Variants in MDM4 observed in about 807,000 individuals in gnomAD.
The protein encoded by MDM4 is MDM4 regulator of p53, also known as protein Mdm4.
MDM4 carries 2 observed loss-of-function variants against 60.2 expected under a neutral mutation model. The ratio of observed to expected loss-of-function variants is 0.03; its 90% CI spans 0.01 to 0.10. The LOEUF (loss-of-function observed/expected upper bound fraction) is 0.10, where lower values mean the gene tolerates loss of function less well. Ranked by LOEUF, MDM4 falls within the 10% of genes least tolerant of loss-of-function variation. The pLI is 1.00. For missense variants in MDM4, 447 were observed against 577.5 expected, an observed-to-expected ratio of 0.77 and a Z score of 2.32; for synonymous variants, 202 against 198.1, an observed-to-expected ratio of 1.02 and a Z score of -0.17.
rs1445568481 is a variant in MDM4 at position 204,554,040 on chromosome 1, A to G, written c.*4358A>G. 4.4e-6 allele frequency: 1 copy of G among 226,890 alleles called. No individual in the cohort carries two copies. The highest frequency in any genetic ancestry group is 8.8e-6 in the Non-Finnish European group (1 of 114,244). 14.1% of individuals were successfully genotyped at this position (226,890 alleles called of 1,614,324 possible). On this transcript the variant is annotated 3_prime_UTR_variant, in exon 11 of 11. Transcript: ENST00000367182. ...ATGTATAGTTAGATGTATGTAGTGC[A>G]TTGTGTGGTATTATTTGGTTTGTAA...
intron 1 of MDM4, among the ~76,000 whole-genome samples, chr1:204,524,799 C>T (rs887908635): frequency 6.6e-6 from 1 of 152,164 alleles, no homozygotes; most frequent in Admixed American, 6.5e-5. Flanking sequence ...AATAAACAAT[C>T]TATCTTCCTT....
chr1:204,537,520 T>C, intron 6 of MDM4, 23 bp downstream of exon 6: 1 of 1,574,986 alleles, frequency 6.3e-7, no homozygotes, highest in Non-Finnish European at 8.7e-7. Flanking sequence ...CACGGTGACT[T>C]CTTTTGTTGT....
intron 1 of MDM4, among the ~76,000 whole-genome samples, chr1:204,521,812 AC>A (rs377048025): frequency 6.6e-6 from 1 of 152,308 alleles, no homozygotes; most frequent in African/African-American, 2.4e-5. Flanking sequence ...GTATAAATAG[AC>A]AGTTACAAAT....
At chr1:204,546,310 C>A (rs939222809) in intron 9 of MDM4, among the ~76,000 whole-genome samples, 1 of 152,130 alleles carries the variant, frequency 6.6e-6, no homozygotes, top group East Asian at 1.9e-4. Flanking sequence ...TCAAGCGATT[C>A]TCTTGTCTCA....
chr1:204,525,203 T>C, intron 1 of MDM4: 2 of 278,240 alleles, frequency 7.2e-6, no homozygotes, highest in Non-Finnish European at 1.1e-5. Context: ...TAAAACAGTT[T>C]ACTGATTAAC....
intron 1 of MDM4, among the ~76,000 whole-genome samples, chr1:204,523,443 G>T (rs1239532946): frequency 7.5e-5 from 11 of 146,792 alleles, no homozygotes; most frequent in Non-Finnish European, 1.5e-4. Flanking sequence ...CTCCAGCCTG[G>T]GCGACAGAGC....
intron 7 of MDM4, among the ~76,000 whole-genome samples, chr1:204,541,193 T>G (rs1662035559): frequency 6.6e-6 from 1 of 152,068 alleles, no homozygotes; most frequent in African/African-American, 2.4e-5. Flanking sequence ...GCATGGTAGC[T>G]CGTGCCTGTA....
At chr1:204,517,728 C>T (rs551209594) in intron 1 of MDM4, among the ~76,000 whole-genome samples, 1 of 152,078 alleles carries the variant, frequency 6.6e-6, no homozygotes, top group Non-Finnish European at 1.5e-5. Context: ...AAGCAACACC[C>T]GGAGAAAATG....
chr1:204,530,931 T>C, intron 4 of MDM4, 114 bp downstream of exon 4: 2 of 1,367,308 alleles, frequency 1.5e-6, no homozygotes, highest in Admixed American at 1.9e-5. Context: ...AGCCTACATA[T>C]GTTAGGTAGC....
intron 7 of MDM4, among the ~76,000 whole-genome samples, chr1:204,540,963 A>G (rs569184311): frequency 9.7e-4 from 148 of 152,312 alleles, no homozygotes; most frequent in Non-Finnish European, 1.9e-3. Context: ...TTAAAAGCTT[A>G]AATTTGAATA....
intron 7 of MDM4, among the ~76,000 whole-genome samples, chr1:204,538,945 C>T (rs942532977): frequency 6.7e-6 from 1 of 149,500 alleles, no homozygotes. Flanking sequence ...TCTCAGCTCA[C>T]CGCAGCCTCC....
At chr1:204,525,642 T>A (rs762435408) in intron 2 of MDM4, 46 bp downstream of exon 2, 67 of 1,312,168 alleles carry the variant, frequency 5.1e-5, no homozygotes, top group South Asian at 4.4e-4. Flanking sequence ...TTTTTTTTTT[T>A]AATTTTTAAA....
chr1:204,550,310 A>G lies in MDM4; in HGVS notation c.*628A>G. 1 of 227,116 alleles carries G rather than the reference A, an allele frequency of 4.4e-6. No individual in the cohort carries two copies. The highest frequency in any genetic ancestry group is 8.8e-6 in the Non-Finnish European group (1 of 114,210). The allele number at this position is 227,116 out of a possible 1,614,324, so 14.1% of individuals were successfully genotyped here. On this transcript the variant is annotated 3_prime_UTR_variant, in exon 11 of 11. Coordinates refer to ENST00000367182, the MANE Select transcript of MDM4 (RefSeq NM_002393.5). Reference sequence around the variant, plus strand: ...CACTTCAGCCTCCTGAGTAGCTGAGACTATAGACTAGCATAACCACACTGG... The same window carrying G: ...CACTTCAGCCTCCTGAGTAGCTGAGGCTATAGACTAGCATAACCACACTGG...
chr1:204,524,237 A>C (rs1183880753), intron 1 of MDM4, among the ~76,000 whole-genome samples: 1 of 152,204 alleles, frequency 6.6e-6, no homozygotes, highest in African/African-American at 2.4e-5. Flanking sequence ...CATTGTACTT[A>C]ACAATTTACA....
In MDM4 at chr1:204,542,855, G is replaced by A. The variant is rs1017001295; in HGVS notation, c.583G>A (p.Val195Ile). The change falls in exon 8 of 11, where the codon GTA becomes ATA. Residue 195 changes from valine to isoleucine, a missense_variant. Coordinates refer to ENST00000367182, the MANE Select transcript of MDM4 (RefSeq NM_002393.5). The stretch of plus-strand genomic sequence containing the variant: ...GGACCTTGGATTTGAGGAGTGGGAT[G>A]TAGCTGGCCTGCCTTGGTGGTTTTT... ...RLDLGFEEWD[V>I]AGLPWWFLGN... The A allele has an allele frequency of 3.7e-6, 6 of 1,613,886 alleles. No individual in the cohort carries two copies. The highest frequency in any genetic ancestry group is 5.1e-6 in the Non-Finnish European group (6 of 1,179,870).
At chr1:204,549,045 CCTCCTTTCCT>C in intron 10 of MDM4, 58 bp from the exon 11 acceptor site, 1 of 971,482 alleles carries the variant, frequency 1.0e-6, no homozygotes, top group Non-Finnish European at 1.6e-6. Context: ...ATGAATTTGA[CCTCCTTTCCT>C]TTTTCTCAGC....
chr1:204,532,358 C>T (rs1174803228), intron 5 of MDM4, 112 bp downstream of exon 5: 7 of 739,074 alleles, frequency 9.5e-6, no homozygotes, highest in East Asian at 2.6e-5. Context: ...TTTGGCATGA[C>T]TGGGAGAAAT....
At chr1:204,548,388 A>T (rs1405228200) in intron 10 of MDM4, among the ~76,000 whole-genome samples, 1 of 152,212 alleles carries the variant, frequency 6.6e-6, no homozygotes, top group Admixed American at 6.5e-5. Flanking sequence ...CCTAAAAGTA[A>T]TCAAGTTCAG....
intron 3 of MDM4, among the ~76,000 whole-genome samples, chr1:204,528,009 A>G (rs1014529998): frequency 1.3e-5 from 2 of 151,696 alleles, no homozygotes; most frequent in African/African-American, 4.8e-5. Flanking sequence ...AATTAAGCAC[A>G]TCGTTTTGGA....
Sources: allele counts gnomAD v4.1 joint callset (sites outside exome capture counted in the v4.1 genomes callset), GRCh38; gene constraint gnomAD v4.1.1; transcripts MANE v1.5; gene names NCBI Gene and HGNC (gene_info 2026-07-23, HGNC 2026-07-21).